CCDC88A: variants seen among roughly 807,000 people sequenced by gnomAD.
CCDC88A encodes girdin.
Under a neutral mutation model 234.3 loss-of-function variants are expected in CCDC88A, and 54 were observed. The observed-to-expected ratio is 0.23, with a 90% CI of 0.19 to 0.29. The LOEUF is 0.29. Ranked by LOEUF, CCDC88A falls within the 10% of genes least tolerant of loss-of-function variation. CCDC88A has a pLI of 1.00. For synonymous variants in CCDC88A, 753 were observed against 737.8 expected, an observed-to-expected ratio of 1.02 and a Z score of -0.33; for missense variants, 1,832 against 2,123.4, an observed-to-expected ratio of 0.86 and a Z score of 2.70.
At chr2:55,366,568 C>T (rs1671996564) in intron 5 of CCDC88A, among the ~76,000 whole-genome samples, 1 of 130,962 alleles carries the variant, frequency 7.6e-6, no homozygotes, top group African/African-American at 2.9e-5. Flanking sequence ...CACACACACA[C>T]ACACACACAA....
intron 18 of CCDC88A, among the ~76,000 whole-genome samples, chr2:55,322,046 G>A (rs1462448458): frequency 6.6e-6 from 1 of 151,946 alleles, no homozygotes; most frequent in Non-Finnish European, 1.5e-5. Flanking sequence ...TTACTGTCAA[G>A]TATATATTGA....
At position 55,295,969 on chromosome 2, in the gene CCDC88A, C is replaced by G. The variant is rs1679983062; in HGVS notation, c.5179G>C (p.Val1727Leu). The change falls in exon 31 of 33, where the codon GTT becomes CTT. Residue 1727 changes from valine to leucine, a missense_variant. Val to Leu is a conservative substitution (Grantham distance 32). Transcript: ENST00000436346. ...ACTGACCTGGCCAGACCACAGCTAA[C>G]TGGTTTGTCTTTTCCCAAAAAGTCA... ...SSDFLGKDKP[V>L]SCGLARSVSG... The G allele has an allele frequency of 6.2e-7, 1 of 1,613,916 alleles. No individual in the cohort carries two copies. The highest frequency in any genetic ancestry group is 1.7e-5 in the Admixed American group (1 of 59,982).
chr2:55,330,598 G>T (rs957323183), intron 16 of CCDC88A, among the ~76,000 whole-genome samples: 9 of 151,930 alleles, frequency 5.9e-5, no homozygotes, highest in Non-Finnish European at 1.3e-4. Flanking sequence ...GAGTTTCTGG[G>T]TTTTTTTTGT....
intron 3 of CCDC88A, among the ~76,000 whole-genome samples, chr2:55,383,061 A>C (rs7601588): frequency 0.86 from 128,642 of 149,744 alleles, 55,713 homozygotes; most frequent in Admixed American, 0.93. Context: ...ACAGGTTCTA[A>C]ATCATAAAAA....
chr2:55,349,455 A>T, intron 9 of CCDC88A, 63 bp downstream of exon 9: 1 of 1,175,388 alleles, frequency 8.5e-7, no homozygotes, highest in Non-Finnish European at 1.3e-6. Flanking sequence ...TATAAATTAC[A>T]AGGAAGAAAA....
chr2:55,388,488 A>G (rs1001020083), intron 3 of CCDC88A: 1 of 171,892 alleles, frequency 5.8e-6, no homozygotes, highest in African/African-American at 2.4e-5. Context: ...GCATAATTCA[A>G]GAAGTCTAAC....
At chr2:55,406,658 C>T (rs1038386953) in intron 2 of CCDC88A, among the ~76,000 whole-genome samples, 1 of 152,046 alleles carries the variant, frequency 6.6e-6, no homozygotes, top group Non-Finnish European at 1.5e-5. Flanking sequence ...ACTCGTGAGG[C>T]TTAGGCATGA....
rs1313434070 is a variant in CCDC88A at position 55,301,247 on chromosome 2, T to A, written c.4703A>T (p.Gln1568Leu). 6.3e-7 allele frequency: 1 copy of A among 1,593,914 alleles called. No homozygotes were observed. Among genetic ancestry groups the A allele is most frequent in the East Asian group, 2.3e-5 (1 of 44,436 alleles). Reference sequence around the variant, plus strand: ...CGTACTAGAATCATCACTAACACCTTGTGGACTTATGTCTTCAAAGGATGT... The same window carrying A: ...CGTACTAGAATCATCACTAACACCTAGTGGACTTATGTCTTCAAAGGATGT... ...DTTSFEDISP[Q>L]GVSDDSSTGS... is the part of the protein sequence containing the mutation. The change falls in exon 28 of 33, where the codon CAA (glutamine) becomes CTA (leucine). Residue 1568 changes from glutamine to leucine, a missense_variant. Physicochemically the swap from Gln to Leu is moderately radical, Grantham distance 113. Around this residue, in one of 6 missense-constraint regions of CCDC88A, gnomAD observed 422 missense variants for 416.5 expected, o/e 1.01. Coordinates refer to ENST00000436346, the MANE Select transcript of CCDC88A (RefSeq NM_001365480.1).
chr2:55,350,346 C>A (rs1669714573), intron 8 of CCDC88A: 1 of 152,104 alleles, frequency 6.6e-6, no homozygotes, highest in Non-Finnish European at 1.5e-5. Flanking sequence ...ATACTAAAAT[C>A]TTTACTTCGC....
intron 7 of CCDC88A, among the ~76,000 whole-genome samples, chr2:55,357,906 T>C (rs1383796918): frequency 6.6e-6 from 1 of 152,198 alleles, no homozygotes; most frequent in Non-Finnish European, 1.5e-5. Flanking sequence ...CCTTATTCAA[T>C]ACATACAGTT....
intron 32 of CCDC88A, chr2:55,291,463 A>G (rs903578117): frequency 6.8e-5 from 23 of 336,596 alleles, no homozygotes; most frequent in Non-Finnish European, 1.2e-4. Context: ...AGTGACAAAA[A>G]AACTTAAAAA....
At chr2:55,390,124 G>A (rs1219466376) in intron 2 of CCDC88A, among the ~76,000 whole-genome samples, 2 of 32,976 alleles carry the variant, frequency 6.1e-5, no homozygotes, top group East Asian at 5.5e-4. Flanking sequence ...ACCCACTACA[G>A]GCTAACAAAA....
At chr2:55,357,380 C>G (rs535089480) in intron 7 of CCDC88A, among the ~76,000 whole-genome samples, 2 of 150,426 alleles carry the variant, frequency 1.3e-5, no homozygotes, top group East Asian at 3.9e-4. Flanking sequence ...CTCTCTCCCT[C>G]TCTCCCTCCT....
In CCDC88A at chr2:55,343,792, C is replaced by G. The variant is rs755177743; in HGVS notation, c.1189G>C (p.Glu397Gln). Residue 397 changes from glutamate to glutamine, a missense_variant and splice_region_variant, in exon 12 of 33, where the codon GAA becomes CAA. By Grantham distance (29) the Glu-to-Gln change is conservative. This residue lies in a region of CCDC88A where 1,282 missense variants were observed against 1,543.6 expected (regional missense o/e 0.83). Coordinates refer to ENST00000436346, the MANE Select transcript of CCDC88A (RefSeq NM_001365480.1). ...LKAKLHDMEM[E>Q]RDMDRKKIEE... is the part of the protein sequence containing the mutation. ...ATCTTTTTTCTATCCATATCTCGTT[C>G]CTTTTTTATTGGCAAGGATTAGGGA... is the stretch of plus-strand genomic sequence containing the variant. 6.2e-7 allele frequency: 1 copy of G among 1,602,956 alleles called. No individual in the cohort carries two copies. The highest frequency in any genetic ancestry group is 8.5e-7 in the Non-Finnish European group (1 of 1,174,764).
chr2:55,388,182 A>C (rs536264941), intron 3 of CCDC88A, among the ~76,000 whole-genome samples: 38 of 152,336 alleles, frequency 2.5e-4, no homozygotes, highest in Admixed American at 2.4e-3. Flanking sequence ...AGTATTATAC[A>C]AACCACATTC....
chr2:55,351,508 C>T (rs1264667352), intron 8 of CCDC88A, among the ~76,000 whole-genome samples: 2 of 152,010 alleles, frequency 1.3e-5, no homozygotes, highest in African/African-American at 4.8e-5. Context: ...CACCACACCC[C>T]TAATTTTTAA....
chr2:55,295,955 C>T lies in CCDC88A; in HGVS notation c.5193G>A (p.Leu1731=). Residue 1731 remains leucine, a synonymous_variant, in exon 31 of 33, where the codon CTG becomes CTA. Transcript: ENST00000436346. ...LGKDKPVSCG[L]ARSVSGKTPG... is the part of the protein sequence containing the mutation. ...GGGTTTTTCCACTTACTGACCTGGCCAGACCACAGCTAACTGGTTTGTCTT... is the reference window on the plus strand; with the variant it reads ...GGGTTTTTCCACTTACTGACCTGGCTAGACCACAGCTAACTGGTTTGTCTT... 2 of 1,613,942 alleles carry T rather than the reference C, an allele frequency of 1.2e-6. No individual in the cohort carries two copies. The highest frequency in any genetic ancestry group is 2.2e-5 in the South Asian group (2 of 91,072).
At chr2:55,321,411 C>T (rs570912740) in intron 18 of CCDC88A, among the ~76,000 whole-genome samples, 1 of 151,422 alleles carries the variant, frequency 6.6e-6, no homozygotes, top group African/African-American at 2.4e-5. Flanking sequence ...ATTAGCCAGG[C>T]GTGGTGGCAG....
chr2:55,419,518 G>C lies in CCDC88A; in HGVS notation c.-439C>G. The stretch of plus-strand genomic sequence containing the variant: ...CAGAGACCACGTTAAGGATACCGAG[G>C]CGCCACCAGACTCGACCTCGGCGTT... On this transcript the variant is annotated 5_prime_UTR_variant, in exon 1 of 33. Coordinates refer to ENST00000436346, the MANE Select transcript of CCDC88A (RefSeq NM_001365480.1). The C allele has an allele frequency of 6.3e-6, 1 of 159,864 alleles. No individual in the cohort carries two copies. Among genetic ancestry groups the C allele is most frequent in the Non-Finnish European group, 1.4e-5 (1 of 72,854 alleles). 9.9% of individuals were successfully genotyped at this position (159,864 alleles called of 1,614,324 possible).
Sources: gnomAD v4.1 joint callset for allele counts (sites outside exome capture counted in the v4.1 genomes callset) on GRCh38, gnomAD v4.1.1 for gene constraint, gnomAD v4.1.1 regional missense constraint, MANE v1.5 for transcripts, NCBI Gene and HGNC (gene_info 2026-07-23, HGNC 2026-07-21) for gene names.